Variants in RAP1GAP2 observed in about 807,000 individuals in gnomAD.
RAP1GAP2 encodes RAP1 GTPase activating protein 2.
RAP1GAP2 carries 27 observed loss-of-function variants against 95.0 expected under a neutral mutation model. The observed-to-expected ratio is 0.28, with a 90% CI of 0.21 to 0.39. RAP1GAP2 has a LOEUF of 0.39. Ranked by LOEUF, RAP1GAP2 falls within the 10% of genes least tolerant of loss-of-function variation. The probability of loss-of-function intolerance (pLI) is 1.00; values close to 1 mark genes in which losing one functional copy is unlikely to be tolerated. For synonymous variants in RAP1GAP2, 373 were observed against 380.9 expected (o/e 0.98, Z 0.24); for missense variants, 771 against 970.0 (o/e 0.79, Z 2.72).
chr17:2,964,144 G>A (rs926636873), intron 7 of RAP1GAP2, 76 bp downstream of exon 7: 14 of 1,367,806 alleles, frequency 1.0e-5, no homozygotes, highest in African/African-American at 7.5e-5. Context: ...GGTACCAGGC[G>A]GTAGGGGATG....
chr17:3,037,510 G>C lies in RAP1GAP2; in HGVS notation c.*4149G>C, dbSNP rs1385619794. 4 of 152,366 alleles carry C rather than the reference G, an allele frequency of 2.6e-5. No individual in the cohort carries two copies. The highest frequency in any genetic ancestry group is 4.4e-5 in the Non-Finnish European group (3 of 68,010). 9.4% of individuals were successfully genotyped at this position (152,366 alleles called of 1,614,324 possible). A position where few individuals can be genotyped will look rare whatever the true frequency, so the allele number is the denominator to read the frequency against. ...GGTCGAACCTAAGAACTGTGGCTTG[G>C]AAGTGATGCTCCATGTGACGACGAC... On this transcript the variant is annotated 3_prime_UTR_variant, in exon 25 of 25. Transcript: ENST00000254695.
At chr17:2,887,066 G>T (rs2073527766) in intron 2 of RAP1GAP2, among the ~76,000 whole-genome samples, 1 of 151,950 alleles carries the variant, frequency 6.6e-6, no homozygotes, top group Non-Finnish European at 1.5e-5. Flanking sequence ...TGATGATGAC[G>T]AATAATAGTT....
intron 1 of RAP1GAP2, among the ~76,000 whole-genome samples, chr17:2,777,676 C>A (rs988942336): frequency 6.6e-6 from 1 of 152,180 alleles, no homozygotes; most frequent in Non-Finnish European, 1.5e-5. Flanking sequence ...CTATAGCTCC[C>A]CCTACATGCT....
At chr17:3,021,777 G>C (rs964993293) in intron 19 of RAP1GAP2, among the ~76,000 whole-genome samples, 1 of 152,192 alleles carries the variant, frequency 6.6e-6, no homozygotes, top group Admixed American at 6.5e-5. Context: ...TTAACATAAT[G>C]ACCTCCAATT....
chr17:3,020,699 T>A, intron 19 of RAP1GAP2, 104 bp downstream of exon 19: 2 of 1,050,912 alleles, frequency 1.9e-6, no homozygotes, highest in South Asian at 1.5e-5. Context: ...GGAGCTTTGC[T>A]CAGCTTTAGG....
At chr17:2,846,056 G>A (rs11657669) in intron 2 of RAP1GAP2, among the ~76,000 whole-genome samples, 19,790 of 151,606 alleles carry the variant, frequency 0.13, 1,542 homozygotes, top group Non-Finnish European at 0.18. Flanking sequence ...GGTATTGGGA[G>A]CCTGTAATCC....
rs1444554777 is a variant in RAP1GAP2, at chr17:2,825,250, A to G, written c.80+24700A>G. 6.6e-6 allele frequency among the ~76,000 whole-genome samples: 1 copy of G among 151,982 alleles called. No individual in the cohort carries two copies. Among genetic ancestry groups the G allele is most frequent in the Non-Finnish European group, 1.5e-5 (1 of 67,986 alleles). On this transcript the variant is annotated intron_variant, in intron 2 of 24. Coordinates refer to ENST00000254695, the MANE Select transcript of RAP1GAP2 (RefSeq NM_015085.5). The surrounding 1 kb of genome is among the most constrained non-coding windows in gnomAD (Gnocchi z 4.1). ...CACCTAGTCCCATCTTCCCTTTCAA[A>G]CACAGGCCTAGCAGCAGCATCTCTC...
intron 2 of RAP1GAP2, among the ~76,000 whole-genome samples, chr17:2,842,613 C>G (rs1026695580): frequency 2.0e-5 from 3 of 151,724 alleles, no homozygotes; most frequent in Non-Finnish European, 2.9e-5. Flanking sequence ...GCCCTCCCCT[C>G]CCTAGAGTTG....
chr17:2,970,290 A>T (rs1555582353), intron 8 of RAP1GAP2, among the ~76,000 whole-genome samples: 2 of 148,906 alleles, frequency 1.3e-5, no homozygotes, highest in African/African-American at 2.5e-5. Context: ...AAAAAAAAAA[A>T]AAAAAATAAT....
intron 8 of RAP1GAP2, among the ~76,000 whole-genome samples, chr17:2,974,233 CAGCTACTT>C (rs1324872673): frequency 6.6e-6 from 1 of 151,354 alleles, no homozygotes. Context: ...CCTGTAGTCC[CAGCTACTT>C]GGGAGGCTGA....
At chr17:2,858,042 G>T (rs1292208239) in intron 2 of RAP1GAP2, among the ~76,000 whole-genome samples, 1 of 152,216 alleles carries the variant, frequency 6.6e-6, no homozygotes, top group Non-Finnish European at 1.5e-5. Context: ...TGAGGTTGCA[G>T]TGAGCTGAGA....
intron 3 of RAP1GAP2, among the ~76,000 whole-genome samples, chr17:2,924,838 C>T (rs548586759): frequency 6.6e-6 from 1 of 152,190 alleles, no homozygotes; most frequent in Non-Finnish European, 1.5e-5. Context: ...GGGTTTGAGA[C>T]CTTCGCCAGA....
At chr17:2,890,468 G>A (rs895103283) in intron 2 of RAP1GAP2, among the ~76,000 whole-genome samples, 2 of 151,900 alleles carry the variant, frequency 1.3e-5, no homozygotes, top group Admixed American at 6.6e-5. Flanking sequence ...CTGGAAGGCC[G>A]GTTGGCTCTG....
intron 2 of RAP1GAP2, among the ~76,000 whole-genome samples, chr17:2,833,525 C>A (rs555275941): frequency 6.6e-6 from 1 of 151,678 alleles, no homozygotes; most frequent in African/African-American, 2.4e-5. Context: ...CCCGTTTCTA[C>A]TAAAAATACA....
chr17:2,990,045 T>C (rs1227607068), intron 11 of RAP1GAP2, among the ~76,000 whole-genome samples: 1 of 152,250 alleles, frequency 6.6e-6, no homozygotes, highest in Admixed American at 6.5e-5. Flanking sequence ...TCAGTGTTTA[T>C]CCAGGTCGTA....
chr17:2,975,864 C>G (rs903865859), intron 8 of RAP1GAP2, among the ~76,000 whole-genome samples: 18 of 152,250 alleles, frequency 1.2e-4, no homozygotes, highest in African/African-American at 4.1e-4. Flanking sequence ...GATTTTGACT[C>G]CGAACACCTT....
At chr17:2,854,699 A>G (rs1205840485) in intron 2 of RAP1GAP2, among the ~76,000 whole-genome samples, 1 of 152,158 alleles carries the variant, frequency 6.6e-6, no homozygotes, top group Non-Finnish European at 1.5e-5. Flanking sequence ...GACATTTTGG[A>G]CGACCTGTGT....
chr17:2,886,190 T>A (rs2073498974), intron 2 of RAP1GAP2, among the ~76,000 whole-genome samples: 1 of 118,870 alleles, frequency 8.4e-6, no homozygotes, highest in Non-Finnish European at 1.8e-5. Context: ...TTTTTTTTTT[T>A]GAGCCGGAGT....
rs575355708 is a variant in RAP1GAP2, at chr17:2,936,953, G to T, written c.166-20806G>T. Among the ~76,000 whole-genome samples the T allele has an allele frequency of 8.5e-5, 13 of 152,332 alleles. No individual in the cohort carries two copies. In the South Asian group the frequency reaches 2.7e-3, roughly 32 times the overall value. Reference sequence around the variant, plus strand: ...CTTTCTTCAGTTATTCATTCAGCAAGTGTTTACTGAGCATCTGTGTGCCAG... The same window carrying T: ...CTTTCTTCAGTTATTCATTCAGCAATTGTTTACTGAGCATCTGTGTGCCAG... On this transcript the variant is annotated intron_variant, in intron 3 of 24. Coordinates refer to ENST00000254695, the MANE Select transcript of RAP1GAP2 (RefSeq NM_015085.5).
Sources: gnomAD v4.1 joint callset for allele counts (sites outside exome capture counted in the v4.1 genomes callset) on GRCh38, gnomAD v4.1.1 for gene constraint, Gnocchi (gnomAD v3.1) non-coding constraint, MANE v1.5 for transcripts, NCBI Gene and HGNC (gene_info 2026-07-23, HGNC 2026-07-21) for gene names.